The following LDB2 variants were observed in gnomAD, a reference collection of about 807,000 sequenced individuals.
LDB2 encodes LIM domain binding 2.
A neutral mutation model predicts 44.3 loss-of-function variants in LDB2; 12 were observed. The ratio of observed to expected loss-of-function variants is 0.27; its 90% CI spans 0.17 to 0.44. The LOEUF (loss-of-function observed/expected upper bound fraction) is 0.44, where lower values mean the gene tolerates loss of function less well. Ranked by LOEUF, LDB2 falls within the 20% of genes least tolerant of loss-of-function variation. LDB2 has a pLI of 1.00. For missense variants in LDB2, 344 were observed against 473.5 expected (o/e 0.73, Z 2.54); for synonymous variants, 164 against 174.8 (o/e 0.94, Z 0.49).
intron 2 of LDB2, among the ~76,000 whole-genome samples, chr4:16,621,314 A>G (rs1467015170): frequency 1.3e-5 from 2 of 152,184 alleles, no homozygotes; most frequent in East Asian, 3.9e-4. Flanking sequence ...TGTAAGGGCA[A>G]GAACTCTGCC....
rs150565129 is a variant in LDB2 at position 16,685,189 on chromosome 4, A to G, written c.235+73969T>C. 9.8e-3 allele frequency among the ~76,000 whole-genome samples: 1,488 copies of G among 152,286 alleles called. 29 individuals are homozygous for G. The highest frequency in any genetic ancestry group is 0.033 in the African/African-American group (1,391 of 41,562). On this transcript the variant is annotated intron_variant, in intron 2 of 7. Transcript: ENST00000304523. ...CATAAACAGTTGATGAAAGGAAAGG[A>G]TATTTACCAGCTGCTAATGAGCAGA...
At chr4:16,844,248 CAAAAAAAAAAAAAAA>C (rs34034796) in intron 1 of LDB2, among the ~76,000 whole-genome samples, 1 of 30,060 alleles carries the variant, frequency 3.3e-5, no homozygotes, top group Non-Finnish European at 5.6e-5. Context: ...ACCCTGTCTC[CAAAAAAAAAAAAAAA>C]AAAAAAAAAA....
At chr4:16,614,584 A>C (rs79393774) in intron 2 of LDB2, among the ~76,000 whole-genome samples, 23 of 142,200 alleles carry the variant, frequency 1.6e-4, no homozygotes, top group South Asian at 4.5e-4. Flanking sequence ...AAAAAACAAA[A>C]AAAAAAAAAA....
At chr4:16,765,307 G>A (rs919791015) in intron 1 of LDB2, among the ~76,000 whole-genome samples, 37 of 152,228 alleles carry the variant, frequency 2.4e-4, no homozygotes, top group African/African-American at 8.0e-4. Context: ...ACCTCCAGCA[G>A]CTCACGTGTC....
chr4:16,622,000 A>T (rs1056157167), intron 2 of LDB2, among the ~76,000 whole-genome samples: 2 of 152,274 alleles, frequency 1.3e-5, no homozygotes, highest in African/African-American at 4.8e-5. Context: ...TTTTGCAATT[A>T]AAAAGTAACC....
chr4:16,842,414 C>T (rs553402377), intron 1 of LDB2, among the ~76,000 whole-genome samples: 6 of 151,982 alleles, frequency 3.9e-5, no homozygotes, highest in Non-Finnish European at 5.9e-5. Flanking sequence ...TTATTCAGTA[C>T]ATTTTCTGTA....
At chr4:16,819,460 GAAAAAAA>G (rs369605183) in intron 1 of LDB2, among the ~76,000 whole-genome samples, 115 of 93,468 alleles carry the variant, frequency 1.2e-3, no homozygotes, top group African/African-American at 4.4e-3. Flanking sequence ...CTGCACTCAG[GAAAAAAA>G]AAAAAAAAAA....
At chr4:16,888,612 G>C (rs773715741) in intron 1 of LDB2, 4 of 508,758 alleles carry the variant, frequency 7.9e-6, no homozygotes, top group Non-Finnish European at 1.0e-5. Flanking sequence ...GCTAGTGCAG[G>C]CATGTAAAAA....
At chr4:16,797,424 C>T (rs950433715) in intron 1 of LDB2, among the ~76,000 whole-genome samples, 3 of 152,160 alleles carry the variant, frequency 2.0e-5, no homozygotes, top group Non-Finnish European at 2.9e-5. Flanking sequence ...CATGAGAATT[C>T]TCTCTACCGT....
At chr4:16,542,432 A>G (rs560867782) in intron 5 of LDB2, among the ~76,000 whole-genome samples, 4 of 152,372 alleles carry the variant, frequency 2.6e-5, no homozygotes, top group African/African-American at 9.6e-5. Context: ...ACATGCAATC[A>G]GGACCCAATC....
chr4:16,731,753 C>T (rs910896300), intron 2 of LDB2, among the ~76,000 whole-genome samples: 12 of 152,284 alleles, frequency 7.9e-5, no homozygotes, highest in African/African-American at 2.9e-4. Flanking sequence ...TCATAGAGAC[C>T]TCCTCAGCCT....
At chr4:16,869,897 A>T (rs1715964371) in intron 1 of LDB2, among the ~76,000 whole-genome samples, 1 of 152,218 alleles carries the variant, frequency 6.6e-6, no homozygotes, top group African/African-American at 2.4e-5. Flanking sequence ...GTGGTGATCC[A>T]AAAACAACAC....
Position 16,506,090 on chromosome 4 carries a change from C to T in LDB2, c.891+2445G>A, listed in dbSNP as rs1288029360. On this transcript the variant is annotated intron_variant, in intron 7 of 7. Coordinates refer to ENST00000304523, the MANE Select transcript of LDB2 (RefSeq NM_001290.5). ...CAGACCACAGCTGTGGTCATAGTGG[C>T]ACATGCCTTTGGACCAGACAGTGGA... The T allele has an allele frequency of 4.0e-6, 5 of 1,255,388 alleles. No individual in the cohort carries two copies. In the South Asian group the frequency reaches 4.6e-5, roughly 12 times the overall value. 77.8% of individuals were successfully genotyped at this position (1,255,388 alleles called of 1,614,324 possible).
intron 2 of LDB2, among the ~76,000 whole-genome samples, chr4:16,753,996 C>T (rs1765985888): frequency 6.6e-6 from 1 of 152,166 alleles, no homozygotes; most frequent in Admixed American, 6.5e-5. Flanking sequence ...AGTAAGGCCA[C>T]TTAGAAAAGA....
At chr4:16,738,392 G>A (rs935513796) in intron 2 of LDB2, among the ~76,000 whole-genome samples, 1 of 152,158 alleles carries the variant, frequency 6.6e-6, no homozygotes, top group Non-Finnish European at 1.5e-5. Flanking sequence ...AACAGGAAGA[G>A]GAGGAGGAGG....
At chr4:16,523,108 G>T (rs755373042) in intron 5 of LDB2, among the ~76,000 whole-genome samples, 10 of 152,024 alleles carry the variant, frequency 6.6e-5, no homozygotes, top group Non-Finnish European at 8.8e-5. Context: ...GTACCAATGG[G>T]GTATGTATAT....
intron 2 of LDB2, among the ~76,000 whole-genome samples, chr4:16,726,758 A>C (rs916952431): frequency 6.6e-6 from 1 of 152,190 alleles, no homozygotes; most frequent in Non-Finnish European, 1.5e-5. Flanking sequence ...CAATGGCTGC[A>C]TAGGGGGTTT....
intron 5 of LDB2, among the ~76,000 whole-genome samples, chr4:16,516,578 C>T (rs1265482654): frequency 2.0e-5 from 3 of 152,212 alleles, no homozygotes; most frequent in Non-Finnish European, 2.9e-5. Flanking sequence ...TTTCATTGTA[C>T]GACAAGGTAG....
chr4:16,823,252 G>A (rs373089104), intron 1 of LDB2, among the ~76,000 whole-genome samples: 83 of 152,310 alleles, frequency 5.4e-4, no homozygotes, highest in African/African-American at 1.8e-3. Flanking sequence ...CAAGTGAGGA[G>A]GTTTAGTGAC....
Sources: gnomAD v4.1 joint callset for allele counts (sites outside exome capture counted in the v4.1 genomes callset) on GRCh38, gnomAD v4.1.1 for gene constraint, MANE v1.5 for transcripts, NCBI Gene and HGNC (gene_info 2026-07-23, HGNC 2026-07-21) for gene names.